The following SORCS1 variants were observed in gnomAD, a reference collection of about 807,000 sequenced individuals.
The protein encoded by SORCS1 is sortilin related VPS10 domain containing receptor 1.
Under a neutral mutation model 146.1 loss-of-function variants are expected in SORCS1, and 60 were observed. That is an observed-to-expected ratio of 0.41 (90% CI 0.33 to 0.51). The LOEUF (loss-of-function observed/expected upper bound fraction) is 0.51, where lower values mean the gene tolerates loss of function less well. Among genes scored for constraint, SORCS1 ranks in the 20% least tolerant of loss-of-function variants. The pLI, the probability that SORCS1 is intolerant of heterozygous loss-of-function variation, is 0.21. For synonymous variants in SORCS1, 637 were observed against 584.0 expected (o/e 1.09, Z -1.31); for missense variants, 1,352 against 1,487.6 (o/e 0.91, Z 1.50).
intron 2 of SORCS1, among the ~76,000 whole-genome samples, chr10:106,865,222 A>G (rs1365058529): frequency 6.6e-6 from 1 of 151,718 alleles, no homozygotes; most frequent in Admixed American, 6.6e-5. Flanking sequence ...GGGCCTCCCA[A>G]CCCGGATCTC....
intron 1 of SORCS1, among the ~76,000 whole-genome samples, chr10:107,089,021 A>G (rs796342993): frequency 6.6e-6 from 1 of 152,306 alleles, no homozygotes; most frequent in African/African-American, 2.4e-5. Flanking sequence ...TACCATTACC[A>G]TCTGACTTAG....
intron 10 of SORCS1, among the ~76,000 whole-genome samples, chr10:106,687,521 C>G (rs146520331): frequency 1.3e-3 from 205 of 152,156 alleles, no homozygotes; most frequent in African/African-American, 4.5e-3. Context: ...TCAATTCTGC[C>G]TTTGTAGAGT....
chr10:107,039,416 C>A (rs1295526884), intron 1 of SORCS1, among the ~76,000 whole-genome samples: 2 of 151,692 alleles, frequency 1.3e-5, no homozygotes, highest in Admixed American at 1.3e-4. Flanking sequence ...ATGTTGCCCT[C>A]TTGTCTGTCC....
the SORCS1 span, among the ~76,000 whole-genome samples, chr10:107,171,403 T>A: frequency 3.9e-5 from 6 of 152,206 alleles, no homozygotes; most frequent in Non-Finnish European, 8.8e-5. Flanking sequence ...CTTTGCAAGC[T>A]TCTAGGACAT....
chr10:107,038,123 CTTTA>C (rs1224394041), intron 1 of SORCS1, among the ~76,000 whole-genome samples: 2 of 152,058 alleles, frequency 1.3e-5, no homozygotes, highest in African/African-American at 4.8e-5. Context: ...GCACCCGGCC[CTTTA>C]TTTGTTTTTA....
intron 2 of SORCS1, among the ~76,000 whole-genome samples, chr10:106,878,641 TA>T (rs1564765102): frequency 2.2e-5 from 3 of 138,852 alleles, no homozygotes; most frequent in East Asian, 4.2e-4. Context: ...TATATATATA[TA>T]TATATATTTT....
chr10:106,983,245 C>CATATTTCTATATATAA (rs1384439196), intron 1 of SORCS1, among the ~76,000 whole-genome samples: 1 of 141,868 alleles, frequency 7.0e-6, no homozygotes, highest in African/African-American at 2.7e-5. Context: ...TATAAATATA[C>CATATTTCTATATATAA]ATATACATAT....
chr10:106,620,712 T>A, intron 19 of SORCS1, 151 bp from the exon 20 acceptor site: 1 of 936,598 alleles, frequency 1.1e-6, no homozygotes, highest in Non-Finnish European at 1.5e-6. Context: ...CTTTCCCCAC[T>A]TTGGAGAAAG....
intron 1 of SORCS1, among the ~76,000 whole-genome samples, chr10:107,003,737 C>T (rs531484177): frequency 6.6e-6 from 1 of 152,180 alleles, no homozygotes; most frequent in East Asian, 1.9e-4. Flanking sequence ...AGGCATCTCA[C>T]AGAGAAGATC....
intron 1 of SORCS1, among the ~76,000 whole-genome samples, chr10:107,138,583 T>A (rs1967538472): frequency 1.3e-5 from 2 of 152,328 alleles, no homozygotes; most frequent in South Asian, 4.1e-4. Context: ...CACATTTACA[T>A]TTTATTTCTC....
rs114385246 is a variant in SORCS1 at position 106,902,770 on chromosome 10, A to G, written c.626+53743T>C. 9.2e-3 allele frequency among the ~76,000 whole-genome samples: 1,401 copies of G among 152,346 alleles called. 21 individuals carry two copies. Among genetic ancestry groups the G allele is most frequent in the African/African-American group, 0.032 (1,333 of 41,582 alleles). On this transcript the variant is annotated intron_variant, in intron 2 of 25. Coordinates refer to ENST00000263054, the MANE Select transcript of SORCS1 (RefSeq NM_052918.5). ...TAGGTGGTTATTCCTGCATAACAAGACACCAGGGATTAAATTAAAATTACT... is the reference window on the plus strand; with the variant it reads ...TAGGTGGTTATTCCTGCATAACAAGGCACCAGGGATTAAATTAAAATTACT...
intron 18 of SORCS1, among the ~76,000 whole-genome samples, chr10:106,630,082 T>C (rs1234812699): frequency 2.0e-5 from 3 of 152,116 alleles, no homozygotes; most frequent in Non-Finnish European, 4.4e-5. Flanking sequence ...CCAAAAATTT[T>C]AGCCTACCTG....
chr10:106,705,231 G>A (rs893999210), intron 8 of SORCS1, among the ~76,000 whole-genome samples: 3 of 152,120 alleles, frequency 2.0e-5, no homozygotes, highest in Non-Finnish European at 4.4e-5. Flanking sequence ...TAACAACCAC[G>A]AACATAGCTA....
chr10:107,083,064 G>A (rs548040205), intron 1 of SORCS1, among the ~76,000 whole-genome samples: 12 of 137,700 alleles, frequency 8.7e-5, no homozygotes, highest in East Asian at 2.1e-4. Flanking sequence ...AGCCATGATC[G>A]CACCACTGCA....
chr10:106,766,334 A>C (rs999777), intron 4 of SORCS1, among the ~76,000 whole-genome samples: 35,798 of 152,136 alleles, frequency 0.24, 4,540 homozygotes, highest in Non-Finnish European at 0.29. Context: ...CATCCACCTT[A>C]TGACTCTCTG....
chr10:106,987,756 G>C (rs370225915), intron 1 of SORCS1, among the ~76,000 whole-genome samples: 3 of 152,096 alleles, frequency 2.0e-5, no homozygotes, highest in Non-Finnish European at 1.5e-5. Context: ...CTGGTAATAA[G>C]CTGTTCCACT....
intron 3 of SORCS1, among the ~76,000 whole-genome samples, chr10:106,798,388 A>G (rs1946688925): frequency 1.3e-5 from 2 of 151,976 alleles, no homozygotes; most frequent in African/African-American, 4.8e-5. Context: ...TGCTGCACCT[A>G]TTAACTTGTC....
At chr10:106,931,874 A>T (rs941497263) in intron 2 of SORCS1, among the ~76,000 whole-genome samples, 5 of 152,234 alleles carry the variant, frequency 3.3e-5, no homozygotes, top group Admixed American at 3.3e-4. Flanking sequence ...AAGAGCAAAA[A>T]GAAAAACAAA....
chr10:107,175,436 C>A, the SORCS1 span, among the ~76,000 whole-genome samples: 1 of 151,888 alleles, frequency 6.6e-6, no homozygotes, highest in African/African-American at 2.4e-5. Context: ...ATTTAGATTT[C>A]TTTCTTTCTT....
Sources: gnomAD v4.1 joint callset for allele counts (sites outside exome capture counted in the v4.1 genomes callset) on GRCh38, gnomAD v4.1.1 for gene constraint, MANE v1.5 for transcripts, NCBI Gene and HGNC (gene_info 2026-07-23, HGNC 2026-07-21) for gene names.